Variants in RNLS observed in about 807,000 individuals in gnomAD.
RNLS encodes renalase, FAD dependent amine oxidase.
Under a neutral mutation model 39.8 loss-of-function variants are expected in RNLS, and 39 were observed. The observed-to-expected ratio is 0.98, with a 90% confidence interval of 0.76 to 1.28. The LOEUF is 1.28. RNLS is among the 50% of genes most tolerant of loss of function. The probability of loss-of-function intolerance (pLI) is 0.00; values close to 1 mark genes in which losing one functional copy is unlikely to be tolerated. For synonymous variants in RNLS, 147 were observed against 150.7 expected, an observed-to-expected ratio of 0.98 and a Z score of 0.18; for missense variants, 410 against 413.3, an observed-to-expected ratio of 0.99 and a Z score of 0.07.
intron 4 of RNLS, among the ~76,000 whole-genome samples, chr10:88,427,954 TG>T (rs1307601867): frequency 6.6e-6 from 1 of 151,954 alleles, no homozygotes; most frequent in Non-Finnish European, 1.5e-5. Context: ...TGTACTATGT[TG>T]CCTTTACTAG....
chr10:88,226,603 C>A, the RNLS span, among the ~76,000 whole-genome samples: 2 of 152,118 alleles, frequency 1.3e-5, no homozygotes, highest in African/African-American at 4.8e-5. Context: ...CTCTACATAT[C>A]TTATAATCAA....
chr10:88,209,756 G>A, the RNLS span, among the ~76,000 whole-genome samples: 27,880 of 152,130 alleles, frequency 0.18, 2,837 homozygotes, highest in African/African-American at 0.27. Context: ...TTTTAGATCT[G>A]AAACTAAACT....
chr10:88,231,864 A>C, the RNLS span, among the ~76,000 whole-genome samples: 5 of 152,156 alleles, frequency 3.3e-5, no homozygotes, highest in Non-Finnish European at 5.9e-5. Context: ...TAAACAACAA[A>C]AAAAATTGGA....
At chr10:88,429,384 A>C (rs1855004989) in intron 4 of RNLS, among the ~76,000 whole-genome samples, 1 of 151,972 alleles carries the variant, frequency 6.6e-6, no homozygotes. Context: ...AAAACATACA[A>C]ACAAAAAGAA....
Position 88,285,278 on chromosome 10 carries a change from G to C in RNLS, c.*76C>G. On this transcript the variant is annotated 3_prime_UTR_variant, in exon 7 of 7. Coordinates refer to ENST00000331772, the MANE Select transcript of RNLS (RefSeq NM_001031709.3). ...TCCAGTAATTTTTCTTAGCAAAATA[G>C]AAAACAAAATAATCAATAACAGAAA... The C allele has an allele frequency of 2.8e-6, 4 of 1,426,364 alleles. No individual in the cohort carries two copies. The highest frequency in any genetic ancestry group is 1.9e-4 in the Middle Eastern group (1 of 5,386). The allele number at this position is 1,426,364 out of a possible 1,614,324, so 88.4% of individuals were successfully genotyped here. A position where few individuals can be genotyped will look rare whatever the true frequency, so the allele number is the denominator to read the frequency against.
chr10:88,511,580 G>C (rs1319407661), intron 4 of RNLS, among the ~76,000 whole-genome samples: 1 of 152,104 alleles, frequency 6.6e-6, no homozygotes, highest in Middle Eastern at 3.2e-3. Flanking sequence ...GAAGGGTAAA[G>C]AAAATTGGAT....
chr10:88,582,974 G>A, intron 1 of RNLS, 99 bp downstream of exon 1: 1 of 1,364,546 alleles, frequency 7.3e-7, no homozygotes, highest in Non-Finnish European at 9.9e-7. Context: ...TGAGGGTATA[G>A]CGTTTTCGCC....
the RNLS span, among the ~76,000 whole-genome samples, chr10:88,237,757 A>T: frequency 6.6e-6 from 1 of 152,232 alleles, no homozygotes; most frequent in African/African-American, 2.4e-5. Flanking sequence ...TCAACCAATG[A>T]ACAATTATTT....
the RNLS span, among the ~76,000 whole-genome samples, chr10:88,175,754 G>A: frequency 6.6e-6 from 1 of 152,084 alleles, no homozygotes; most frequent in Admixed American, 6.5e-5. Flanking sequence ...GGTCTGTTTG[G>A]TCCATTTGGT....
intron 4 of RNLS, among the ~76,000 whole-genome samples, chr10:88,450,053 C>G (rs1445740433): frequency 6.6e-6 from 1 of 151,484 alleles, no homozygotes; most frequent in Non-Finnish European, 1.5e-5. Context: ...AAAAAAAGAT[C>G]TGTAAGTTGT....
chr10:88,467,658 A>T (rs1315173590), intron 4 of RNLS, among the ~76,000 whole-genome samples: 2 of 151,260 alleles, frequency 1.3e-5, no homozygotes, highest in South Asian at 2.1e-4. Context: ...TGGGGGAATT[A>T]AAAAAAAATG....
At chr10:88,297,097 AT>A (rs1844146301) in intron 6 of RNLS, among the ~76,000 whole-genome samples, 1 of 152,142 alleles carries the variant, frequency 6.6e-6, no homozygotes, top group South Asian at 2.1e-4. Flanking sequence ...AAAGCTGCTA[AT>A]ATTATTTGGT....
intron 4 of RNLS, among the ~76,000 whole-genome samples, chr10:88,391,736 T>G (rs1852212964): frequency 6.6e-6 from 1 of 152,088 alleles, no homozygotes. Flanking sequence ...TGGCAAAAAT[T>G]GTCAGTGTAA....
chr10:88,202,063 G>A, the RNLS span, among the ~76,000 whole-genome samples: 9 of 152,016 alleles, frequency 5.9e-5, no homozygotes, highest in East Asian at 1.7e-3. Context: ...GTCCATCAAC[G>A]ATAGATTGGA....
chr10:88,276,046 ACT>A (rs1842801972), intron 6 of RNLS, among the ~76,000 whole-genome samples: 1 of 152,120 alleles, frequency 6.6e-6, no homozygotes, highest in African/African-American at 2.4e-5. Context: ...AGAGCAAGAC[ACT>A]GTCTCTAAAA....
At chr10:88,353,283 G>C (rs1182282622) in intron 5 of RNLS, among the ~76,000 whole-genome samples, 1 of 152,124 alleles carries the variant, frequency 6.6e-6, no homozygotes, top group African/African-American at 2.4e-5. Context: ...TGCTTCTCTA[G>C]TTCTTTTAAT....
chr10:88,459,479 GT>G (rs935821123), intron 4 of RNLS, among the ~76,000 whole-genome samples: 4 of 152,088 alleles, frequency 2.6e-5, no homozygotes, highest in Non-Finnish European at 4.4e-5. Context: ...CTTTTTGTCT[GT>G]TTCGTATTGT....
At chr10:88,411,063 C>T (rs1375134123) in intron 4 of RNLS, among the ~76,000 whole-genome samples, 1 of 152,150 alleles carries the variant, frequency 6.6e-6, no homozygotes, top group Admixed American at 6.6e-5. Context: ...TTCCACAAGA[C>T]AAGTCTATTT....
chr10:88,583,179 C>A lies in RNLS; in HGVS notation c.12G>T (p.Val4=), dbSNP rs1228380787. The A allele has an allele frequency of 6.2e-7, 1 of 1,613,858 alleles. No individual in the cohort carries two copies. Among genetic ancestry groups the A allele is most frequent in the Non-Finnish European group, 8.5e-7 (1 of 1,179,930 alleles). Residue 4 remains valine (V), a synonymous_variant, in exon 1 of 7, where the codon GTG becomes GTT. Transcript: ENST00000331772. ...CTGTCATCCCGGCGCCCACGATCAG[C>A]ACCTGCGCCATGGCGAGAGGGAGCA... MAQ[V]LIVGAGMTGS...
Sources: gnomAD v4.1 joint callset for allele counts (sites outside exome capture counted in the v4.1 genomes callset) on GRCh38, gnomAD v4.1.1 for gene constraint, MANE v1.5 for transcripts, NCBI Gene and HGNC (gene_info 2026-07-23, HGNC 2026-07-21) for gene names.